Variants in SCNN1B observed in about 807,000 individuals in gnomAD.
SCNN1B encodes sodium channel epithelial 1 subunit beta.
A neutral mutation model predicts 65.3 loss-of-function variants in SCNN1B; 46 were observed. That is an observed-to-expected ratio of 0.70 (90% CI 0.56 to 0.90). The LOEUF is 0.90. SCNN1B is among the 40% of genes least tolerant of loss of function. The probability of loss-of-function intolerance (pLI) is 0.00; values close to 1 mark genes in which losing one functional copy is unlikely to be tolerated. For missense variants in SCNN1B, 751 were observed against 830.5 expected, an observed-to-expected ratio of 0.90 and a Z score of 1.18; for synonymous variants, 349 against 330.6, an observed-to-expected ratio of 1.06 and a Z score of -0.60.
At chr16:23,358,296 C>T (rs1962461779) in intron 4 of SCNN1B, 1 of 152,146 alleles carries the variant, frequency 6.6e-6, no homozygotes, top group African/African-American at 2.4e-5. Flanking sequence ...CACTAAAACC[C>T]CCAAATATTG....
At chr16:23,330,365 T>C (rs1961786843) in intron 1 of SCNN1B, among the ~76,000 whole-genome samples, 1 of 152,120 alleles carries the variant, frequency 6.6e-6, no homozygotes, top group Non-Finnish European at 1.5e-5. Context: ...GCTTGGAGCA[T>C]TGGCCCACGT....
In SCNN1B at chr16:23,380,244, T is replaced by C; in HGVS notation, c.1542+75T>C. 6.6e-7 allele frequency: 1 copy of C among 1,513,124 alleles called. No homozygotes were observed. The highest frequency in any genetic ancestry group is 1.7e-5 in the Admixed American group (1 of 59,836). 93.7% of individuals were successfully genotyped at this position (1,513,124 alleles called of 1,614,324 possible). A position where few individuals can be genotyped will look rare whatever the true frequency, so the allele number is the denominator to read the frequency against. On this transcript the variant is annotated intron_variant, in intron 12 of 12. Coordinates refer to ENST00000343070, the MANE Select transcript of SCNN1B (RefSeq NM_000336.3). The surrounding 1 kb of genome is among the most constrained non-coding windows in gnomAD (Gnocchi z 5.4). ...TGCACCCTGAGGGTGGGGGAAGGGT[T>C]CTGAGCCCTATGAAGGAATTAGGAA...
intron 1 of SCNN1B, chr16:23,323,494 T>C: frequency 1.4e-6 from 1 of 702,412 alleles, no homozygotes; most frequent in Admixed American, 2.0e-5. Flanking sequence ...GCTTCATATT[T>C]ACAATTTAAT....
At chr16:23,331,233 G>T (rs1961805416) in intron 1 of SCNN1B, among the ~76,000 whole-genome samples, 1 of 152,034 alleles carries the variant, frequency 6.6e-6, no homozygotes, top group South Asian at 2.1e-4. Flanking sequence ...TGGGTGGTGT[G>T]TAGCACTTGC....
At chr16:23,321,049 T>A (rs1961576320) in intron 1 of SCNN1B, among the ~76,000 whole-genome samples, 1 of 152,160 alleles carries the variant, frequency 6.6e-6, no homozygotes. Context: ...GACTTTATTT[T>A]ATTTTATTTT....
intron 1 of SCNN1B, among the ~76,000 whole-genome samples, chr16:23,326,864 T>C (rs28615103): frequency 0.069 from 10,490 of 152,132 alleles, 1,229 homozygotes; most frequent in African/African-American, 0.24. Flanking sequence ...AGTGTAACAG[T>C]GTACAGCGTA....
upstream of SCNN1B, among the ~76,000 whole-genome samples, chr16:23,299,976 T>C (rs1961050683): frequency 6.6e-6 from 1 of 151,982 alleles, no homozygotes; most frequent in South Asian, 2.1e-4. Context: ...ATAAAGAAAA[T>C]GTGGCACATA....
At chr16:23,298,379 A>C (rs570282184), upstream of SCNN1B, among the ~76,000 whole-genome samples, 3 of 152,226 alleles carry the variant, frequency 2.0e-5, no homozygotes, top group African/African-American at 7.2e-5. Flanking sequence ...CCTGCAGAGC[A>C]AGGCTACCCC....
intron 10 of SCNN1B, among the ~76,000 whole-genome samples, 194 bp downstream of exon 10, chr16:23,377,580 C>CT (rs1567319347): frequency 3.4e-5 from 5 of 146,002 alleles, no homozygotes; most frequent in Non-Finnish European, 7.6e-5. Context: ...TTTTCCCTTC[C>CT]TCCCTCCCTT....
At chr16:23,319,487 AT>A (rs926739550) in intron 1 of SCNN1B, among the ~76,000 whole-genome samples, 7 of 151,498 alleles carry the variant, frequency 4.6e-5, no homozygotes, top group Non-Finnish European at 1.0e-4. Context: ...AAAAAAAAAA[AT>A]CACATTTCAT....
Position 23,371,693 on chromosome 16 carries a change from C to G in SCNN1B, c.1045-83C>G, listed in dbSNP as rs1053915055. On this transcript the variant is annotated intron_variant, in intron 6 of 12. Transcript: ENST00000343070. ...CTGCAGGGGTCCACAGCCCTCTGTC[C>G]CCAAATGCTTGATAGAAGGGAGGTG... 4.0e-6 allele frequency: 5 copies of G among 1,246,384 alleles called. No individual in the cohort carries two copies. In the African/African-American group the frequency reaches 7.4e-5, roughly 18 times the overall value. 77.2% of individuals were successfully genotyped at this position (1,246,384 alleles called of 1,614,324 possible). A position where few individuals can be genotyped will look rare whatever the true frequency, so the allele number is the denominator to read the frequency against.
At position 23,369,206 on chromosome 16, in the gene SCNN1B, C is replaced by T. The variant is rs530046463; in HGVS notation, c.880+1247C>T. On this transcript the variant is annotated intron_variant, in intron 5 of 12. Coordinates refer to ENST00000343070, the MANE Select transcript of SCNN1B (RefSeq NM_000336.3). Reference sequence around the variant, plus strand: ...CACTGCAGCCTCAACCTCCTGGGCTCAGGTGATCCTCCCACCTCAGCCTCC... The same window carrying T: ...CACTGCAGCCTCAACCTCCTGGGCTTAGGTGATCCTCCCACCTCAGCCTCC... 5.9e-5 allele frequency among the ~76,000 whole-genome samples: 9 copies of T among 152,260 alleles called. No homozygotes were observed. In the South Asian group the frequency reaches 1.2e-3, roughly 21 times the overall value.
At chr16:23,285,033 T>A (rs1047504948) in intron 2 of SCNN1B, among the ~76,000 whole-genome samples, 5 of 151,970 alleles carry the variant, frequency 3.3e-5, no homozygotes, top group Admixed American at 1.3e-4. Flanking sequence ...TTTTTTAGTA[T>A]CAAAAAGAAA....
chr16:23,289,770 G>A (rs947977294), intron 2 of SCNN1B, among the ~76,000 whole-genome samples: 5 of 151,474 alleles, frequency 3.3e-5, no homozygotes, highest in Non-Finnish European at 5.9e-5. Flanking sequence ...CTGCCTCTGG[G>A]ATTCAAGCGA....
At chr16:23,285,846 T>C (rs552410086) in intron 2 of SCNN1B, among the ~76,000 whole-genome samples, 20 of 152,118 alleles carry the variant, frequency 1.3e-4, no homozygotes, top group African/African-American at 4.6e-4. Context: ...TGGTAGTGCA[T>C]GCCTATAATC....
chr16:23,284,160 T>C (rs916000217), intron 2 of SCNN1B, among the ~76,000 whole-genome samples: 6 of 152,060 alleles, frequency 3.9e-5, no homozygotes, highest in Non-Finnish European at 5.9e-5. Flanking sequence ...ATCCCAACAT[T>C]TGGGATGGCT....
chr16:23,313,853 G>T (rs1596825435), intron 1 of SCNN1B, among the ~76,000 whole-genome samples: 2 of 152,238 alleles, frequency 1.3e-5, no homozygotes, highest in South Asian at 4.1e-4. Flanking sequence ...CTCGTGATCT[G>T]CCCACCTTGG....
At chr16:23,345,398 G>T (rs971011720) in intron 1 of SCNN1B, among the ~76,000 whole-genome samples, 4 of 152,220 alleles carry the variant, frequency 2.6e-5, no homozygotes, top group African/African-American at 9.6e-5. Context: ...AAATAAGAAA[G>T]AAAATGTATT....
At chr16:23,367,553 C>G (rs1303945398) in intron 4 of SCNN1B, among the ~76,000 whole-genome samples, 2 of 152,234 alleles carry the variant, frequency 1.3e-5, no homozygotes, top group East Asian at 3.8e-4. Flanking sequence ...CCGCCTCAGC[C>G]TTCCAAAGTG....
Sources: allele counts gnomAD v4.1 joint callset (sites outside exome capture counted in the v4.1 genomes callset), GRCh38; gene constraint gnomAD v4.1.1; non-coding constraint Gnocchi (gnomAD v3.1); transcripts MANE v1.5; gene names NCBI Gene and HGNC (gene_info 2026-07-23, HGNC 2026-07-21).